Variants in ULK4 observed in about 807,000 individuals in gnomAD.
The protein encoded by ULK4 is unc-51 like kinase 4.
In ULK4, 133 loss-of-function variants were observed where a neutral mutation model predicts 160.6. That is an observed-to-expected ratio of 0.83 (90% CI 0.72 to 0.96). ULK4 has a LOEUF of 0.96. Among genes scored for constraint, ULK4 ranks in the 40% least tolerant of loss-of-function variants. The pLI is 0.00. For synonymous variants in ULK4, 534 were observed against 539.8 expected (o/e 0.99, Z 0.15); for missense variants, 1,580 against 1,499.5 (o/e 1.05, Z -0.89).
At chr3:41,596,950 A>G (rs2031736076) in intron 31 of ULK4, among the ~76,000 whole-genome samples, 1 of 152,116 alleles carries the variant, frequency 6.6e-6, no homozygotes, top group African/African-American at 2.4e-5. Flanking sequence ...TGCACCGTAC[A>G]CTATTTAGTA....
intron 32 of ULK4, among the ~76,000 whole-genome samples, chr3:41,465,164 A>G (rs2083797092): frequency 6.6e-6 from 1 of 152,212 alleles, no homozygotes; most frequent in Admixed American, 6.5e-5. Context: ...CCATATTTTC[A>G]GTGTTCTTCA....
At chr3:41,566,852 A>C (rs1483240069) in intron 31 of ULK4, among the ~76,000 whole-genome samples, 1 of 152,226 alleles carries the variant, frequency 6.6e-6, no homozygotes, top group Non-Finnish European at 1.5e-5. Context: ...GAAATTATTA[A>C]ATTTCATAAA....
intron 21 of ULK4, among the ~76,000 whole-genome samples, chr3:41,788,132 T>C (rs1362257689): frequency 6.6e-6 from 1 of 152,256 alleles, no homozygotes; most frequent in Non-Finnish European, 1.5e-5. Flanking sequence ...CACAAATTTC[T>C]TAGCAGAATC....
chr3:41,354,018 G>A (rs1160265976), intron 35 of ULK4, among the ~76,000 whole-genome samples: 3 of 152,154 alleles, frequency 2.0e-5, no homozygotes, highest in Non-Finnish European at 2.9e-5. Flanking sequence ...TGTCCCATGA[G>A]GATCCCAGAG....
intron 35 of ULK4, among the ~76,000 whole-genome samples, chr3:41,272,444 T>C (rs2079155358): frequency 6.6e-6 from 1 of 151,350 alleles, no homozygotes; most frequent in South Asian, 2.1e-4. Flanking sequence ...CTTCCTTGTA[T>C]TCTCACTTGC....
intron 22 of ULK4, 40 bp downstream of exon 22, chr3:41,754,321 A>G (rs1286020211): frequency 2.5e-6 from 4 of 1,594,298 alleles, no homozygotes; most frequent in Non-Finnish European, 3.4e-6. Flanking sequence ...AACAGGCACT[A>G]AATTGAAGTT....
At chr3:41,826,296 T>C (rs1052959152) in intron 18 of ULK4, among the ~76,000 whole-genome samples, 3 of 152,028 alleles carry the variant, frequency 2.0e-5, no homozygotes, top group Non-Finnish European at 4.4e-5. Context: ...AGGATCAAAT[T>C]CACACATAAC....
chr3:41,508,442 C>A (rs9831248), intron 32 of ULK4, among the ~76,000 whole-genome samples: 26 of 151,954 alleles, frequency 1.7e-4, no homozygotes, highest in Non-Finnish European at 2.6e-4. Flanking sequence ...ACCTGGCAAC[C>A]CTAAGGCAAA....
At chr3:41,431,354 CAAATAATAATAATAATAA>C (rs1213836857) in intron 34 of ULK4, among the ~76,000 whole-genome samples, 1 of 114,384 alleles carries the variant, frequency 8.7e-6, no homozygotes, top group East Asian at 2.3e-4. Flanking sequence ...CACACACACA[CAAATAATAATAATAATAA>C]TAATAATAAT....
intron 20 of ULK4, among the ~76,000 whole-genome samples, chr3:41,793,652 T>C (rs1030756223): frequency 6.6e-6 from 1 of 152,124 alleles, no homozygotes; most frequent in African/African-American, 2.4e-5. Context: ...TTTGACACCT[T>C]TTCATCTCAG....
At chr3:41,405,585 C>T (rs1216324879) in intron 34 of ULK4, among the ~76,000 whole-genome samples, 2 of 152,112 alleles carry the variant, frequency 1.3e-5, no homozygotes, top group African/African-American at 2.4e-5. Flanking sequence ...TTTACTTTAC[C>T]ACCAACAGTG....
At chr3:41,755,480 T>C (rs372764551) in intron 21 of ULK4, among the ~76,000 whole-genome samples, 2 of 152,062 alleles carry the variant, frequency 1.3e-5, no homozygotes, top group African/African-American at 4.8e-5. Flanking sequence ...AAAAAACAAA[T>C]CAAGGCAGTC....
chr3:41,735,785 T>G (rs1336069948), intron 22 of ULK4, among the ~76,000 whole-genome samples: 2 of 151,254 alleles, frequency 1.3e-5, no homozygotes, highest in Admixed American at 1.3e-4. Context: ...GTCATGTTGG[T>G]GTGCTGCACC....
At chr3:41,495,351 G>A (rs1272116289) in intron 32 of ULK4, among the ~76,000 whole-genome samples, 1 of 152,034 alleles carries the variant, frequency 6.6e-6, no homozygotes, top group East Asian at 1.9e-4. Flanking sequence ...TTAACAAATG[G>A]TGCTGGGAAA....
At chr3:41,950,243 C>T (rs1010773402) in intron 2 of ULK4, among the ~76,000 whole-genome samples, 8 of 151,620 alleles carry the variant, frequency 5.3e-5, no homozygotes, top group African/African-American at 1.9e-4. Context: ...CATGCCACCA[C>T]CCCCGGCTAA....
chr3:41,432,301 T>C (rs574612597), intron 34 of ULK4, among the ~76,000 whole-genome samples: 1 of 152,310 alleles, frequency 6.6e-6, no homozygotes, highest in Admixed American at 6.5e-5. Flanking sequence ...ACCTCAACTT[T>C]AAATGGCGTT....
chr3:41,824,249 G>A (rs7615708), intron 18 of ULK4, among the ~76,000 whole-genome samples: 1,937 of 151,576 alleles, frequency 0.013, 32 homozygotes, highest in African/African-American at 0.043. Context: ...CGATGCAGAC[G>A]ATGGGTGATT....
chr3:41,464,367 A>G (rs190276780), intron 32 of ULK4, among the ~76,000 whole-genome samples: 7 of 152,358 alleles, frequency 4.6e-5, no homozygotes, highest in Non-Finnish European at 8.8e-5. Context: ...AAAAAAAGGC[A>G]TAAGTCTCAC....
intron 16 of ULK4, among the ~76,000 whole-genome samples, chr3:41,889,578 A>T (rs1388539272): frequency 6.6e-6 from 1 of 152,144 alleles, no homozygotes; most frequent in African/African-American, 2.4e-5. Context: ...AAACAATAAC[A>T]ATTGGTACTT....
Sources: allele counts gnomAD v4.1 joint callset (sites outside exome capture counted in the v4.1 genomes callset), GRCh38; gene constraint gnomAD v4.1.1; transcripts MANE v1.5; gene names NCBI Gene and HGNC (gene_info 2026-07-23, HGNC 2026-07-21).